ERBB4: variants seen among roughly 807,000 people sequenced by gnomAD.
ERBB4 encodes the protein erb-b2 receptor tyrosine kinase 4.
A neutral mutation model predicts 158.0 loss-of-function variants in ERBB4; 42 were observed. That is an observed-to-expected ratio of 0.27 (90% CI 0.21 to 0.34). The LOEUF (loss-of-function observed/expected upper bound fraction) is 0.34, where lower values mean the gene tolerates loss of function less well. Among genes scored for constraint, ERBB4 ranks in the 10% least tolerant of loss-of-function variants. The pLI is 1.00. For missense variants in ERBB4, 1,333 were observed against 1,624.1 expected (o/e 0.82, Z 3.08); for synonymous variants, 583 against 558.7 (o/e 1.04, Z -0.61).
intron 20 of ERBB4, among the ~76,000 whole-genome samples, chr2:211,546,928 A>G (rs1004433174): frequency 6.6e-6 from 1 of 152,090 alleles, no homozygotes; most frequent in Non-Finnish European, 1.5e-5. Flanking sequence ...TTAGAAACAA[A>G]TAAGTAGGAG....
intron 1 of ERBB4, among the ~76,000 whole-genome samples, chr2:212,353,453 T>G (rs1159924624): frequency 6.7e-6 from 1 of 149,334 alleles, no homozygotes; most frequent in African/African-American, 2.4e-5. Flanking sequence ...TATAAACAAA[T>G]ATTTTATAAT....
chr2:211,842,697 AAC>A (rs764196326), intron 3 of ERBB4, among the ~76,000 whole-genome samples: 30 of 152,128 alleles, frequency 2.0e-4, no homozygotes, highest in Non-Finnish European at 3.7e-4. Context: ...CACTGACACA[AAC>A]ACTGAGTTTA....
intron 1 of ERBB4, among the ~76,000 whole-genome samples, chr2:212,300,683 A>G (rs12474632): frequency 0.74 from 112,225 of 151,320 alleles, 45,823 homozygotes; most frequent in Non-Finnish European, 0.9. Context: ...TATCTACTAT[A>G]TTATCTCATG....
At chr2:211,834,010 T>C (rs1238482885) in intron 3 of ERBB4, among the ~76,000 whole-genome samples, 7 of 152,080 alleles carry the variant, frequency 4.6e-5, no homozygotes, top group Non-Finnish European at 7.3e-5. Context: ...AGTCGATCTT[T>C]ACAGTCCCTT....
chr2:212,374,125 G>A (rs1426052010), intron 1 of ERBB4, among the ~76,000 whole-genome samples: 3 of 145,012 alleles, frequency 2.1e-5, no homozygotes, highest in South Asian at 2.1e-4. Flanking sequence ...TATAGCTACT[G>A]TGATTTGACA....
chr2:212,055,382 C>T (rs985142191), intron 2 of ERBB4, among the ~76,000 whole-genome samples: 1 of 151,524 alleles, frequency 6.6e-6, no homozygotes, highest in Admixed American at 6.6e-5. Context: ...CAGGGCATAG[C>T]CAAAAGGCAG....
intron 1 of ERBB4, among the ~76,000 whole-genome samples, chr2:212,524,930 G>C (rs571211722): frequency 6.6e-6 from 1 of 152,014 alleles, no homozygotes; most frequent in Non-Finnish European, 1.5e-5. Context: ...TGCCAGAGAA[G>C]AGATATGAAG....
intron 19 of ERBB4, 103 bp from the exon 20 acceptor site, chr2:211,562,191 C>G (rs543023751): frequency 1.3e-5 from 12 of 922,844 alleles, no homozygotes; most frequent in Non-Finnish European, 2.1e-5. Flanking sequence ...AAAATGTACT[C>G]TTACTCAATG....
In ERBB4 at chr2:211,489,324, G is replaced by A. The variant is rs115899481; in HGVS notation, c.2488-58224C>T. Among the ~76,000 whole-genome samples the A allele has an allele frequency of 7.2e-3, 1,093 of 152,134 alleles. 18 individuals carry two copies. The highest frequency in any genetic ancestry group is 0.025 in the African/African-American group (1,042 of 41,570). ...AGTGGAAATGAGCTGAATTTTGGGAGCCAGAATGTCTGGGTTTGAATCCTG... is the reference window on the plus strand; with the variant it reads ...AGTGGAAATGAGCTGAATTTTGGGAACCAGAATGTCTGGGTTTGAATCCTG... On this transcript the variant is annotated intron_variant, in intron 20 of 27. Transcript: ENST00000342788.
chr2:211,763,780 A>T (rs2075475906), intron 4 of ERBB4, among the ~76,000 whole-genome samples: 1 of 152,032 alleles, frequency 6.6e-6, no homozygotes, highest in Non-Finnish European at 1.5e-5. Context: ...TCCACACCAC[A>T]ATATTAAACA....
At chr2:212,262,886 C>T (rs1227830667) in intron 1 of ERBB4, among the ~76,000 whole-genome samples, 1 of 152,090 alleles carries the variant, frequency 6.6e-6, no homozygotes, top group East Asian at 1.9e-4. Context: ...CAAATTAATA[C>T]TCAGGAATCT....
intron 1 of ERBB4, among the ~76,000 whole-genome samples, chr2:212,137,004 T>C (rs1429733528): frequency 1.3e-5 from 2 of 151,964 alleles, no homozygotes; most frequent in Admixed American, 1.3e-4. Context: ...TTATAAAATA[T>C]ATTATTATAA....
At chr2:211,412,701 A>T (rs1260039076) in intron 25 of ERBB4, among the ~76,000 whole-genome samples, 5 of 152,142 alleles carry the variant, frequency 3.3e-5, no homozygotes, top group African/African-American at 1.2e-4. Context: ...CACGTCTGTA[A>T]TCCTAGCACT....
rs1559357175 is a variant in ERBB4, at chr2:211,623,044, T to TAA, written c.2202+876_2202+877dup. 7.0e-5 allele frequency among the ~76,000 whole-genome samples: 6 copies of TAA among 86,202 alleles called. No homozygotes were observed. The South Asian group carries it at 2.3e-3, about 32-fold the overall frequency. 56.6% of individuals were successfully genotyped at this position (86,202 alleles called of 152,430 possible). On this transcript the variant is annotated intron_variant, in intron 18 of 27. Transcript: ENST00000342788. ...ATATATATATATATATATATATATA[T>TAA]AAAATGCCAAAGTAACTTTTGGGAA... is the stretch of plus-strand genomic sequence containing the variant.
At chr2:212,063,547 T>C (rs897086909) in intron 2 of ERBB4, among the ~76,000 whole-genome samples, 24 of 152,014 alleles carry the variant, frequency 1.6e-4, no homozygotes, top group African/African-American at 5.8e-4. Context: ...AAAATATAAA[T>C]GTATATTTTT....
chr2:211,754,102 T>C (rs13006962), intron 4 of ERBB4, among the ~76,000 whole-genome samples: 66,545 of 151,744 alleles, frequency 0.44, 15,250 homozygotes, highest in Middle Eastern at 0.58. Flanking sequence ...CCTCGTGATC[T>C]GCCTGCCTCG....
At chr2:211,652,278 T>C (rs1480526969) in intron 16 of ERBB4, among the ~76,000 whole-genome samples, 2 of 152,218 alleles carry the variant, frequency 1.3e-5, no homozygotes. Context: ...CACACTCTCC[T>C]TCACCTCTTC....
At chr2:212,391,614 TATATGTCA>T (rs1434230871) in intron 1 of ERBB4, among the ~76,000 whole-genome samples, 14 of 144,952 alleles carry the variant, frequency 9.7e-5, no homozygotes, top group African/African-American at 3.5e-4. Context: ...ATGTGAATAT[TATATGTCA>T]ATATATTATA....
chr2:211,670,626 G>T (rs1050085140), intron 14 of ERBB4, among the ~76,000 whole-genome samples: 1 of 151,952 alleles, frequency 6.6e-6, no homozygotes, highest in South Asian at 2.1e-4. Context: ...TGATTCCAAA[G>T]GTCTCAATAC....
Sources: gnomAD v4.1 joint callset for allele counts (sites outside exome capture counted in the v4.1 genomes callset) on GRCh38, gnomAD v4.1.1 for gene constraint, MANE v1.5 for transcripts, NCBI Gene and HGNC (gene_info 2026-07-23, HGNC 2026-07-21) for gene names.